ACOX3: variants seen among roughly 807,000 people sequenced by gnomAD.
The protein encoded by ACOX3 is peroxisomal acyl-coenzyme A oxidase 3.
In ACOX3, 73 loss-of-function variants were observed where a neutral mutation model predicts 81.5. The ratio of observed to expected loss-of-function variants is 0.90; its 90% CI spans 0.74 to 1.09. The LOEUF is 1.09. Ranked by LOEUF, ACOX3 falls within the 50% of genes least tolerant of loss-of-function variation. The pLI is 0.00. For missense variants in ACOX3, 947 were observed against 928.0 expected (o/e 1.02, Z -0.27); for synonymous variants, 387 against 375.1 (o/e 1.03, Z -0.37).
At chr4:8,372,241 T>C (rs1185633074) in intron 16 of ACOX3, among the ~76,000 whole-genome samples, 10 of 152,164 alleles carry the variant, frequency 6.6e-5, no homozygotes, top group Admixed American at 5.9e-4. Context: ...ACTACAGGCA[T>C]GTGCCACCAA....
rs922821302 is a variant in ACOX3 at position 8,394,230 on chromosome 4, C to T, written c.1179+390G>A. ...TTGCACGCTCGTTTCTGGCACAAATCCTCTGACTGTCAACTCAAATCCAGT... is the reference window on the plus strand; with the variant it reads ...TTGCACGCTCGTTTCTGGCACAAATTCTCTGACTGTCAACTCAAATCCAGT... On this transcript the variant is annotated intron_variant, in intron 10 of 17. Coordinates refer to ENST00000356406, the MANE Select transcript of ACOX3 (RefSeq NM_003501.3). This position sits in a 1 kb window ranked among gnomAD's most constrained non-coding sequence, Gnocchi z 5.9. Among the ~76,000 whole-genome samples the T allele has an allele frequency of 6.6e-6, 1 of 152,190 alleles. No individual in the cohort carries two copies. Among genetic ancestry groups the T allele is most frequent in the Non-Finnish European group, 1.5e-5 (1 of 68,030 alleles).
chr4:8,370,870 C>T lies in ACOX3; in HGVS notation c.1983+38G>A, dbSNP rs1203786770. The T allele has an allele frequency of 5.0e-6, 8 of 1,588,660 alleles. No individual in the cohort carries two copies. The highest frequency in any genetic ancestry group is 2.2e-5 in the East Asian group (1 of 44,738). ...CAGCTCCGCAGAAATGCCCATCAAC[C>T]CTTGGGGCACTCCCGTGAGGCCCTG... On this transcript the variant is annotated intron_variant, in intron 17 of 17. Transcript: ENST00000356406. This position sits in a 1 kb window ranked among gnomAD's most constrained non-coding sequence, Gnocchi z 6.3.
In ACOX3 at chr4:8,416,188, G is replaced by A. The variant is rs112770346; in HGVS notation, c.145-189C>T. On this transcript the variant is annotated intron_variant, in intron 2 of 17. Transcript: ENST00000356406. This position sits in a 1 kb window ranked among gnomAD's most constrained non-coding sequence, Gnocchi z 4.2. ...GAGGCTTAAGAAACATCAACAATCC[G>A]TGTTCATTTCCAGACTCCTCATCAA... Among the ~76,000 whole-genome samples the A allele has an allele frequency of 5.3e-5, 8 of 152,234 alleles. No homozygotes were observed. The highest frequency in any genetic ancestry group is 2.6e-4 in the Admixed American group (4 of 15,296).
In ACOX3 at chr4:8,419,918, C is replaced by A. The variant is rs766275607; in HGVS notation, c.-14-3383G>T. Reference sequence around the variant, plus strand: ...ATGCGCCATAACCTCAGTACATTACCAAGTCCACAGTGCATCTCTAACACC... The same window carrying A: ...ATGCGCCATAACCTCAGTACATTACAAAGTCCACAGTGCATCTCTAACACC... On this transcript the variant is annotated intron_variant, in intron 1 of 17. Transcript: ENST00000356406. This position sits in a 1 kb window ranked among gnomAD's most constrained non-coding sequence, Gnocchi z 4.2. Among the ~76,000 whole-genome samples the A allele has an allele frequency of 2.0e-5, 3 of 152,190 alleles. No individual in the cohort carries two copies. Among genetic ancestry groups the A allele is most frequent in the Non-Finnish European group, 2.9e-5 (2 of 68,042 alleles).
chr4:8,357,268 C>T, the ACOX3 span: 17,242 of 456,622 alleles, frequency 0.038, 806 homozygotes, highest in African/African-American at 0.14. Context: ...GGCCAGGAGA[C>T]GGGGGCCCTC....
chr4:8,436,797 C>A (rs1724261546), intron 1 of ACOX3, among the ~76,000 whole-genome samples: 1 of 149,758 alleles, frequency 6.7e-6, no homozygotes, highest in Non-Finnish European at 1.5e-5. Flanking sequence ...TCCTGGCTAA[C>A]ATGGTGAAAC....
At chr4:8,373,905 C>T in intron 15 of ACOX3, 2 of 529,334 alleles carry the variant, frequency 3.8e-6, no homozygotes, top group Admixed American at 3.2e-5. Flanking sequence ...CAGGTGGCCG[C>T]TGGGCTCATA....
intron 1 of ACOX3, among the ~76,000 whole-genome samples, chr4:8,424,101 T>G (rs1368704648): frequency 6.6e-6 from 1 of 152,188 alleles, no homozygotes; most frequent in African/African-American, 2.4e-5. Context: ...GGGCCCTCAG[T>G]GAGGAATGCA....
At chr4:8,418,763 G>C (rs1250116629) in intron 1 of ACOX3, among the ~76,000 whole-genome samples, 1 of 152,210 alleles carries the variant, frequency 6.6e-6, no homozygotes, top group Non-Finnish European at 1.5e-5. Flanking sequence ...AGGAGGCTGA[G>C]GCAGGAGAAT....
rs1340108777 is a variant in ACOX3 at position 8,382,447 on chromosome 4, T to C, written c.1538-840A>G. The stretch of plus-strand genomic sequence containing the variant: ...GGGACCCAGGTACATGGCGAGCATG[T>C]GAGGGAGGGGTGCAGACCACCCACA... On this transcript the variant is annotated intron_variant, in intron 13 of 17. Coordinates refer to ENST00000356406, the MANE Select transcript of ACOX3 (RefSeq NM_003501.3). This position sits in a 1 kb window ranked among gnomAD's most constrained non-coding sequence, Gnocchi z 4.1. Among the ~76,000 whole-genome samples, 3 of 152,074 alleles carry C rather than the reference T, an allele frequency of 2.0e-5. No individual in the cohort carries two copies. Among genetic ancestry groups the C allele is most frequent in the African/African-American group, 7.2e-5 (3 of 41,402 alleles).
intron 17 of ACOX3, among the ~76,000 whole-genome samples, chr4:8,367,991 C>CA (rs536606440): frequency 0.014 from 1,639 of 119,008 alleles, 13 homozygotes; most frequent in African/African-American, 0.02. Flanking sequence ...GATCCTATCT[C>CA]AAAAAAAAAA....
At chr4:8,372,230 G>A (rs1430127992) in intron 16 of ACOX3, among the ~76,000 whole-genome samples, 1 of 152,144 alleles carries the variant, frequency 6.6e-6, no homozygotes, top group Admixed American at 6.5e-5. Flanking sequence ...GAGCAGCTGG[G>A]ACTACAGGCA....
Position 8,370,913 on chromosome 4 carries a change from C to A in ACOX3, c.1978G>T (p.Gly660Cys). The change falls in exon 17 of 18, where the codon GGC becomes TGC. Residue 660 changes from glycine to cysteine, a missense_variant. Coordinates refer to ENST00000356406, the MANE Select transcript of ACOX3 (RefSeq NM_003501.3). This position sits in a 1 kb window ranked among gnomAD's most constrained non-coding sequence, Gnocchi z 6.3. ...VLDSPIGRAD[G>C]ELYKNLWGAV... ...AGGCCCTGTCCTCCCTTTACCTCGC[C>A]GTCGGCTCTGCCAATCGGTGAGTCC... 1 of 1,613,816 alleles carries A rather than the reference C, an allele frequency of 6.2e-7. No individual in the cohort carries two copies. Among genetic ancestry groups the A allele is most frequent in the Non-Finnish European group, 8.5e-7 (1 of 1,179,964 alleles).
intron 16 of ACOX3, among the ~76,000 whole-genome samples, chr4:8,371,283 T>C (rs1716160183): frequency 2.0e-5 from 3 of 152,192 alleles, no homozygotes; most frequent in Non-Finnish European, 4.4e-5. Flanking sequence ...AGCTCGTGAA[T>C]TAGCAACTGC....
At chr4:8,398,238 T>G (rs1400547773) in intron 8 of ACOX3, among the ~76,000 whole-genome samples, 1 of 152,218 alleles carries the variant, frequency 6.6e-6, no homozygotes, top group East Asian at 1.9e-4. Context: ...ACTGTCTTCA[T>G]GCATTCACTG....
chr4:8,434,048 A>AAAG (rs755809775), intron 1 of ACOX3, among the ~76,000 whole-genome samples: 4 of 151,446 alleles, frequency 2.6e-5, no homozygotes, highest in Non-Finnish European at 4.4e-5. Context: ...CTAGGAGTTA[A>AAAG]AATAATAATA....
intron 14 of ACOX3, among the ~76,000 whole-genome samples, chr4:8,378,249 C>T (rs891640292): frequency 6.6e-6 from 1 of 152,236 alleles, no homozygotes; most frequent in African/African-American, 2.4e-5. Context: ...AAGGGTTGGA[C>T]TCTGTGACAG....
the ACOX3 span, chr4:8,357,455 T>C: frequency 5.7e-6 from 2 of 348,506 alleles, no homozygotes; most frequent in Non-Finnish European, 1.1e-5. Flanking sequence ...CCATGTGGAG[T>C]TATAAGTGAT....
intron 11 of ACOX3, among the ~76,000 whole-genome samples, chr4:8,390,333 G>C (rs1718839905): frequency 6.7e-6 from 1 of 149,788 alleles, no homozygotes. Flanking sequence ...GACAGGGCAA[G>C]ACTCTGACCA....
Sources: gnomAD v4.1 joint callset for allele counts (sites outside exome capture counted in the v4.1 genomes callset) on GRCh38, gnomAD v4.1.1 for gene constraint, Gnocchi (gnomAD v3.1) non-coding constraint, MANE v1.5 for transcripts, NCBI Gene and HGNC (gene_info 2026-07-23, HGNC 2026-07-21) for gene names.